Variants in AMN1 observed in about 807,000 individuals in gnomAD.
AMN1 encodes the protein antagonist of mitotic exit network 1 homolog, also known as protein AMN1 homolog.
AMN1 carries 20 observed loss-of-function variants against 33.0 expected under a neutral mutation model. That is an observed-to-expected ratio of 0.61 (90% CI 0.43 to 0.88). AMN1 has a LOEUF of 0.88. Among genes scored for constraint, AMN1 ranks in the 40% least tolerant of loss-of-function variants. The probability of loss-of-function intolerance (pLI) is 0.00; values close to 1 mark genes in which losing one functional copy is unlikely to be tolerated. For synonymous variants in AMN1, 114 were observed against 111.9 expected, an observed-to-expected ratio of 1.02 and a Z score of -0.12; for missense variants, 246 against 307.4, an observed-to-expected ratio of 0.80 and a Z score of 1.49.
intron 1 of AMN1, among the ~76,000 whole-genome samples, chr12:31,716,785 G>A (rs745720837): frequency 2.6e-5 from 4 of 152,212 alleles, no homozygotes; most frequent in Middle Eastern, 3.4e-3. Context: ...CCATTCCGTG[G>A]ATTGCCTTTC....
At chr12:31,688,636 C>T (rs1019872013) in intron 6 of AMN1, among the ~76,000 whole-genome samples, 18 of 151,986 alleles carry the variant, frequency 1.2e-4, no homozygotes, top group African/African-American at 2.7e-4. Flanking sequence ...GGGGAAATCC[C>T]GTCTCTGCTA....
chr12:31,711,764 GATTATT>G (rs1192338155), intron 1 of AMN1, among the ~76,000 whole-genome samples: 1 of 152,010 alleles, frequency 6.6e-6, no homozygotes, highest in African/African-American at 2.4e-5. Context: ...GTGTATAATA[GATTATT>G]ATTAACTATA....
chr12:31,691,814 C>A (rs1195708623), intron 5 of AMN1, among the ~76,000 whole-genome samples: 1 of 152,136 alleles, frequency 6.6e-6, no homozygotes, highest in African/African-American at 2.4e-5. Context: ...GTGGTTACTT[C>A]TGAAGGCAGA....
chr12:31,702,036 T>G (rs759776349), intron 2 of AMN1, 29 bp from the exon 3 acceptor site: 2 of 1,525,488 alleles, frequency 1.3e-6, no homozygotes, highest in Non-Finnish European at 1.8e-6. Context: ...TTTGAAAAAA[T>G]TATTTCTTTC....
chr12:31,675,385 A>C (rs1162120434), intron 6 of AMN1, among the ~76,000 whole-genome samples: 1 of 151,792 alleles, frequency 6.6e-6, no homozygotes, highest in Non-Finnish European at 1.5e-5. Flanking sequence ...ACACCACTGC[A>C]CTCCAGCCTG....
chr12:31,712,950 G>A (rs548926456), intron 1 of AMN1, among the ~76,000 whole-genome samples: 38 of 152,224 alleles, frequency 2.5e-4, no homozygotes, highest in Middle Eastern at 3.4e-3. Flanking sequence ...CACCATGCTC[G>A]GCCCATATTT....
chr12:31,672,315 T>A lies in AMN1; in HGVS notation c.766A>T (p.Thr256Ser). The A allele has an allele frequency of 6.3e-7, 1 of 1,575,074 alleles. No individual in the cohort carries two copies. Among genetic ancestry groups the A allele is most frequent in the Non-Finnish European group, 8.6e-7 (1 of 1,158,108 alleles). ...GPNKLKQVTW[T>S]VY ...TCTTCAAAAAAGCATCAATAAACAG[T>A]CCATGTCACTTGCTTTAGTTTGTTT... is the stretch of plus-strand genomic sequence containing the variant. Residue 256 changes from threonine (T) to serine (S), a missense_variant, in exon 7 of 7, where the codon ACT becomes TCT. Transcript: ENST00000281471.
chr12:31,718,590 G>GT (rs765161809), intron 1 of AMN1, among the ~76,000 whole-genome samples: 1 of 152,152 alleles, frequency 6.6e-6, no homozygotes, highest in Non-Finnish European at 1.5e-5. Context: ...TATGGATGGG[G>GT]TTTTGGTGTG....
chr12:31,715,600 G>T lies in AMN1; in HGVS notation c.39-6175C>A, dbSNP rs549675795. On this transcript the variant is annotated intron_variant, in intron 1 of 6. Coordinates refer to ENST00000281471, the MANE Select transcript of AMN1 (RefSeq NM_001113402.2). ...TCAAGGCCTCAGCTTCGCAGGGCTT[G>T]TGTCTTTCTTCTGAAGCTTCTGATT... is the stretch of plus-strand genomic sequence containing the variant. 43 of 158,178 alleles carry T rather than the reference G, an allele frequency of 2.7e-4. 1 individual carries two copies. In the South Asian group the frequency reaches 7.4e-3, roughly 27 times the overall value. 9.8% of individuals were successfully genotyped at this position (158,178 alleles called of 1,614,324 possible).
intron 2 of AMN1, among the ~76,000 whole-genome samples, chr12:31,707,389 T>C (rs1434825052): frequency 6.6e-6 from 1 of 152,216 alleles, no homozygotes; most frequent in Non-Finnish European, 1.5e-5. Context: ...TAATGGGAGC[T>C]GACCAGAACA....
chr12:31,680,772 T>C (rs1475599388), intron 6 of AMN1, among the ~76,000 whole-genome samples: 2 of 152,182 alleles, frequency 1.3e-5, no homozygotes, highest in Non-Finnish European at 2.9e-5. Flanking sequence ...CACATGCATA[T>C]GCAAGTATAG....
intron 5 of AMN1, 96 bp from the exon 6 acceptor site, chr12:31,689,214 A>C: frequency 1.2e-6 from 1 of 830,498 alleles, no homozygotes; most frequent in Non-Finnish European, 1.9e-6. Context: ...AAAAAGAACC[A>C]GATATCTACT....
At chr12:31,696,210 C>A (rs1938718092) in intron 5 of AMN1, among the ~76,000 whole-genome samples, 1 of 151,856 alleles carries the variant, frequency 6.6e-6, no homozygotes, top group African/African-American at 2.4e-5. Flanking sequence ...GCACTCCAGC[C>A]TGGGCGACAG....
chr12:31,698,603 G>A (rs189350800), intron 3 of AMN1, among the ~76,000 whole-genome samples: 49 of 152,234 alleles, frequency 3.2e-4, no homozygotes, highest in Non-Finnish European at 5.1e-4. Context: ...AGAGTACTTC[G>A]GGGATCCTGG....
At chr12:31,673,236 G>A (rs1323714607) in intron 6 of AMN1, 3 of 148,462 alleles carry the variant, frequency 2.0e-5, no homozygotes, top group African/African-American at 7.5e-5. Flanking sequence ...GTGGTTCCTA[G>A]ACAGATTTCA....
intron 1 of AMN1, among the ~76,000 whole-genome samples, chr12:31,716,232 T>C (rs962774609): frequency 2.0e-5 from 3 of 152,234 alleles, no homozygotes; most frequent in South Asian, 2.1e-4. Flanking sequence ...ACGTATAATA[T>C]TCTGTTGTTT....
intron 1 of AMN1, among the ~76,000 whole-genome samples, chr12:31,724,600 A>G (rs1161436476): frequency 1.3e-5 from 2 of 152,206 alleles, no homozygotes; most frequent in Non-Finnish European, 2.9e-5. Flanking sequence ...AACAGCACAT[A>G]AGGAGAGACT....
intron 1 of AMN1, among the ~76,000 whole-genome samples, chr12:31,721,711 T>C (rs891529689): frequency 6.6e-6 from 1 of 152,200 alleles, no homozygotes; most frequent in Non-Finnish European, 1.5e-5. Flanking sequence ...CTGTTGACAA[T>C]GTTACCTGGT....
In AMN1 at chr12:31,683,058, G is replaced by A. The variant is rs1446380684; in HGVS notation, c.703+5949C>T. Among the ~76,000 whole-genome samples, 2 of 151,158 alleles carry A rather than the reference G, an allele frequency of 1.3e-5. No individual in the cohort carries two copies. The highest frequency in any genetic ancestry group is 4.9e-5 in the African/African-American group (2 of 41,036). ...GCTAATTGCAACCTCTGCCCCCCAG[G>A]CTCAAGTGATCCTCATGCGTCAGCC... On this transcript the variant is annotated intron_variant, in intron 6 of 6. Coordinates refer to ENST00000281471, the MANE Select transcript of AMN1 (RefSeq NM_001113402.2). This position sits in a 1 kb window ranked among gnomAD's most constrained non-coding sequence, Gnocchi z 4.1.
Sources: allele counts gnomAD v4.1 joint callset (sites outside exome capture counted in the v4.1 genomes callset), GRCh38; gene constraint gnomAD v4.1.1; non-coding constraint Gnocchi (gnomAD v3.1); transcripts MANE v1.5; gene names NCBI Gene and HGNC (gene_info 2026-07-23, HGNC 2026-07-21).